The following RAB38 variants were observed in gnomAD, a reference collection of about 807,000 sequenced individuals.
RAB38 encodes the protein RAB38, member RAS oncogene family.
In RAB38, 15 loss-of-function variants were observed where a neutral mutation model predicts 18.4. The observed-to-expected ratio is 0.82, with a 90% CI of 0.55 to 1.26. The LOEUF (loss-of-function observed/expected upper bound fraction) is 1.26. Ranked by LOEUF, RAB38 falls within the 50% of genes most tolerant of loss-of-function variation. The pLI is 0.00. For synonymous variants in RAB38, 101 were observed against 104.4 expected (o/e 0.97, Z 0.20); for missense variants, 294 against 267.4 (o/e 1.10, Z -0.69).
chr11:88,035,090 A>G, the RAB38 span, among the ~76,000 whole-genome samples: 1 of 152,086 alleles, frequency 6.6e-6, no homozygotes, highest in Non-Finnish European at 1.5e-5. Context: ...TGTTGAGGAC[A>G]TTTCTCTTTT....
At chr11:87,850,788 A>AG in the RAB38 span, among the ~76,000 whole-genome samples, 1 of 151,940 alleles carries the variant, frequency 6.6e-6, no homozygotes, top group Admixed American at 6.6e-5. Flanking sequence ...CCTCAGTCTG[A>AG]GACCCATCAA....
At chr11:87,975,704 A>T in the RAB38 span, among the ~76,000 whole-genome samples, 1 of 151,814 alleles carries the variant, frequency 6.6e-6, no homozygotes, top group South Asian at 2.1e-4. Flanking sequence ...TAAATCTTTA[A>T]TTCTAAATAT....
the RAB38 span, among the ~76,000 whole-genome samples, chr11:87,891,660 C>T: frequency 6.6e-6 from 1 of 151,700 alleles, no homozygotes; most frequent in Admixed American, 6.6e-5. Flanking sequence ...GAATAGGCTG[C>T]CCAGTAGTTC....
chr11:88,042,783 C>T, the RAB38 span, among the ~76,000 whole-genome samples: 1 of 152,198 alleles, frequency 6.6e-6, no homozygotes, highest in South Asian at 2.1e-4. Flanking sequence ...AAATAGGCCA[C>T]TGGGTAGGTT....
At chr11:88,084,803 G>C in the RAB38 span, among the ~76,000 whole-genome samples, 1 of 151,788 alleles carries the variant, frequency 6.6e-6, no homozygotes, top group Non-Finnish European at 1.5e-5. Context: ...ACCACATCTT[G>C]GTCATCTTTG....
At chr11:88,169,346 T>C (rs1340405698) in intron 1 of RAB38, among the ~76,000 whole-genome samples, 2 of 152,244 alleles carry the variant, frequency 1.3e-5, no homozygotes, top group African/African-American at 4.8e-5. Context: ...TGTATTTCTT[T>C]CTTGTTTTTC....
At chr11:88,091,311 C>T in the RAB38 span, among the ~76,000 whole-genome samples, 1 of 152,028 alleles carries the variant, frequency 6.6e-6, no homozygotes, top group South Asian at 2.1e-4. Flanking sequence ...AATGTAGGGA[C>T]CAGTGACCTG....
At chr11:88,088,727 A>C in the RAB38 span, among the ~76,000 whole-genome samples, 1 of 151,872 alleles carries the variant, frequency 6.6e-6, no homozygotes, top group Non-Finnish European at 1.5e-5. Flanking sequence ...AGGCCAGATG[A>C]GAATGAAGGT....
the RAB38 span, among the ~76,000 whole-genome samples, chr11:87,864,904 A>C: frequency 6.6e-6 from 1 of 151,838 alleles, no homozygotes; most frequent in South Asian, 2.1e-4. Context: ...GAGATAACTT[A>C]GCAGAACATC....
chr11:88,162,266 C>T (rs955572947), intron 1 of RAB38, among the ~76,000 whole-genome samples: 36 of 152,082 alleles, frequency 2.4e-4, no homozygotes, highest in Non-Finnish European at 4.6e-4. Context: ...AAATTAATTA[C>T]CATTTTTCCA....
At chr11:88,033,763 T>C in the RAB38 span, among the ~76,000 whole-genome samples, 70 of 143,672 alleles carry the variant, frequency 4.9e-4, no homozygotes, top group African/African-American at 1.6e-3. Flanking sequence ...AGTCTCGCTC[T>C]GTCGCCCAGG....
chr11:87,902,169 A>C, the RAB38 span, among the ~76,000 whole-genome samples: 1 of 151,554 alleles, frequency 6.6e-6, no homozygotes, highest in African/African-American at 2.4e-5. Flanking sequence ...TAAGTGGTGG[A>C]GTGAAACCCA....
chr11:88,117,872 A>G (rs544614896), intron 2 of RAB38, among the ~76,000 whole-genome samples: 4 of 152,370 alleles, frequency 2.6e-5, no homozygotes, highest in African/African-American at 9.6e-5. Context: ...TACACATTCA[A>G]TAAATGTTAT....
the RAB38 span, among the ~76,000 whole-genome samples, chr11:87,968,003 C>T: frequency 6.6e-6 from 1 of 152,052 alleles, no homozygotes; most frequent in African/African-American, 2.4e-5. Flanking sequence ...AGTACATTTG[C>T]CACAAATAAA....
the RAB38 span, among the ~76,000 whole-genome samples, chr11:88,065,379 G>T: frequency 6.6e-6 from 1 of 152,256 alleles, no homozygotes. Flanking sequence ...GCTTCCATTT[G>T]CAATGCCCCA....
At chr11:87,951,796 A>T in the RAB38 span, among the ~76,000 whole-genome samples, 4 of 152,134 alleles carry the variant, frequency 2.6e-5, no homozygotes, top group Non-Finnish European at 4.4e-5. Context: ...GTGAGGTGTC[A>T]GTCTGCCCCT....
At chr11:88,063,485 A>G in the RAB38 span, among the ~76,000 whole-genome samples, 1 of 152,164 alleles carries the variant, frequency 6.6e-6, no homozygotes, top group Non-Finnish European at 1.5e-5. Context: ...CATGGAGAAT[A>G]GTGGGCAAAG....
At chr11:88,050,141 G>A in the RAB38 span, 4 of 152,144 alleles carry the variant, frequency 2.6e-5, no homozygotes, top group African/African-American at 9.7e-5. Flanking sequence ...TGCCAGCACC[G>A]AACTTGACCT....
the RAB38 span, chr11:87,816,512 C>T: frequency 6.6e-6 from 1 of 151,880 alleles, no homozygotes; most frequent in Non-Finnish European, 1.5e-5. Flanking sequence ...ATTAATAGAG[C>T]TGGTGTTAAT....
Sources: gnomAD v4.1 joint callset for allele counts (sites outside exome capture counted in the v4.1 genomes callset) on GRCh38, gnomAD v4.1.1 for gene constraint, MANE v1.5 for transcripts, NCBI Gene and HGNC (gene_info 2026-07-23, HGNC 2026-07-21) for gene names.